The following TBCK variants were observed in gnomAD, a reference collection of about 807,000 sequenced individuals.
The protein encoded by TBCK is TBC1 domain containing kinase.
Under a neutral mutation model 113.4 loss-of-function variants are expected in TBCK, and 99 were observed. That is an observed-to-expected ratio of 0.87 (90% CI 0.74 to 1.03). The LOEUF (loss-of-function observed/expected upper bound fraction) is 1.03. Among genes scored for constraint, TBCK ranks in the 50% least tolerant of loss-of-function variants. TBCK has a pLI of 0.00. For synonymous variants in TBCK, 369 were observed against 370.8 expected, an observed-to-expected ratio of 1.00 and a Z score of 0.05; for missense variants, 1,045 against 1,061.3, an observed-to-expected ratio of 0.98 and a Z score of 0.21.
intron 3 of TBCK, among the ~76,000 whole-genome samples, chr4:106,286,719 A>G (rs1352502926): frequency 1.3e-5 from 2 of 152,048 alleles, no homozygotes; most frequent in African/African-American, 4.8e-5. Context: ...CCCAGGTACT[A>G]GGGTGGTTGA....
chr4:106,075,084 A>T (rs1392882523), intron 25 of TBCK, among the ~76,000 whole-genome samples: 1 of 152,192 alleles, frequency 6.6e-6, no homozygotes, highest in Non-Finnish European at 1.5e-5. Context: ...CAGGACAACC[A>T]TGGATACATA....
rs368202782 is a variant in TBCK at position 106,178,377 on chromosome 4, G to T, written c.2060-7107C>A. On this transcript the variant is annotated intron_variant, in intron 22 of 25. Coordinates refer to ENST00000394708, the MANE Select transcript of TBCK (RefSeq NM_001163435.3). ...ACTCTGTTGAATAAAAGTAGTGAAAGGAGGCATCTTTTTCTTCTAGATTTT... is the reference window on the plus strand; with the variant it reads ...ACTCTGTTGAATAAAAGTAGTGAAATGAGGCATCTTTTTCTTCTAGATTTT... Among the ~76,000 whole-genome samples, 44 of 151,986 alleles carry T rather than the reference G, an allele frequency of 2.9e-4. No homozygotes were observed. The East Asian group carries it at 4.1e-3, about 14-fold the overall frequency.
intron 24 of TBCK, among the ~76,000 whole-genome samples, chr4:106,098,002 C>T (rs1278602148): frequency 6.6e-6 from 1 of 152,002 alleles, no homozygotes; most frequent in Non-Finnish European, 1.5e-5. Context: ...GAGATAAGCA[C>T]ATTTTTCCAT....
chr4:106,263,263 A>G (rs1236795663), intron 3 of TBCK, among the ~76,000 whole-genome samples: 3 of 151,930 alleles, frequency 2.0e-5, no homozygotes, highest in African/African-American at 7.2e-5. Flanking sequence ...TAGAGATAAT[A>G]TGGAATAATA....
At chr4:106,145,887 C>A (rs1455138040) in intron 23 of TBCK, among the ~76,000 whole-genome samples, 1 of 151,838 alleles carries the variant, frequency 6.6e-6, no homozygotes, top group Non-Finnish European at 1.5e-5. Flanking sequence ...ACTAAAAAGT[C>A]AAAAAAACAG....
At chr4:106,225,663 T>C (rs12502764) in intron 19 of TBCK, among the ~76,000 whole-genome samples, 19,644 of 152,010 alleles carry the variant, frequency 0.13, 1,602 homozygotes, top group South Asian at 0.24. Flanking sequence ...TTCACCGTGT[T>C]GGCCAGGCTG....
intron 23 of TBCK, among the ~76,000 whole-genome samples, chr4:106,149,152 C>T (rs931395945): frequency 3.9e-5 from 6 of 152,196 alleles, no homozygotes; most frequent in African/African-American, 7.2e-5. Flanking sequence ...CTGGATTAGG[C>T]TTTGGCTTAA....
At chr4:106,303,612 T>A (rs1053350383) in intron 2 of TBCK, among the ~76,000 whole-genome samples, 1 of 152,066 alleles carries the variant, frequency 6.6e-6, no homozygotes, top group Non-Finnish European at 1.5e-5. Flanking sequence ...CAGAGTAACC[T>A]TGAAAACTGA....
rs575055010 is a variant in TBCK, at chr4:106,124,617, A to C, written c.2236-8239T>G. 2.6e-5 allele frequency among the ~76,000 whole-genome samples: 4 copies of C among 152,218 alleles called. No individual in the cohort carries two copies. The East Asian group carries it at 7.7e-4, about 29-fold the overall frequency. On this transcript the variant is annotated intron_variant, in intron 23 of 25. Transcript: ENST00000394708. ...GAGCCAACCCAAATGTCCAACAATGATAGACTGGATTAAGAAAATGTGGCA... is the reference window on the plus strand; with the variant it reads ...GAGCCAACCCAAATGTCCAACAATGCTAGACTGGATTAAGAAAATGTGGCA...
intron 24 of TBCK, among the ~76,000 whole-genome samples, chr4:106,114,000 C>T (rs1242509243): frequency 1.3e-5 from 2 of 152,190 alleles, no homozygotes. Context: ...CCAAGTAACA[C>T]TACATGTCAC....
chr4:106,226,531 T>G (rs1004874689), intron 19 of TBCK, among the ~76,000 whole-genome samples: 3 of 152,208 alleles, frequency 2.0e-5, no homozygotes, highest in African/African-American at 7.2e-5. Context: ...TGTATATTAA[T>G]TGGGCTTTTA....
chr4:106,071,265 T>C lies in TBCK; in HGVS notation c.2571+24217A>G, dbSNP rs1252050776. Reference sequence around the variant, plus strand: ...TATAAATGTCCTTCTACACACTGCTTTAAATGTGTCCCAGAGGTTTTGGTA... The same window carrying C: ...TATAAATGTCCTTCTACACACTGCTCTAAATGTGTCCCAGAGGTTTTGGTA... On this transcript the variant is annotated intron_variant, in intron 25 of 25. Coordinates refer to ENST00000394708, the MANE Select transcript of TBCK (RefSeq NM_001163435.3). Among the ~76,000 whole-genome samples the C allele has an allele frequency of 2.0e-5, 3 of 152,240 alleles. No homozygotes were observed. In the East Asian group the frequency reaches 5.8e-4, roughly 29 times the overall value.
chr4:106,219,690 T>C (rs1191188875), intron 19 of TBCK, among the ~76,000 whole-genome samples: 1 of 152,070 alleles, frequency 6.6e-6, no homozygotes. Context: ...TTAATACATA[T>C]TTCAATGAGC....
At chr4:106,068,371 A>T (rs929225960) in intron 25 of TBCK, among the ~76,000 whole-genome samples, 3 of 151,844 alleles carry the variant, frequency 2.0e-5, no homozygotes, top group Non-Finnish European at 4.4e-5. Flanking sequence ...CTCATTGTTC[A>T]ATTCCCACCT....
chr4:106,114,432 G>C (rs1743241852), intron 24 of TBCK, among the ~76,000 whole-genome samples: 2 of 152,130 alleles, frequency 1.3e-5, no homozygotes, highest in Admixed American at 1.3e-4. Context: ...CTCCGGGCAG[G>C]GTGACTATGT....
intron 24 of TBCK, among the ~76,000 whole-genome samples, chr4:106,111,394 T>C (rs964598618): frequency 5.9e-5 from 9 of 152,238 alleles, no homozygotes; most frequent in Admixed American, 4.6e-4. Context: ...ATAATCATTA[T>C]TGACTTAAAA....
At chr4:106,316,577 C>T (rs1395613858), upstream of TBCK, 7 of 1,551,526 alleles carry the variant, frequency 4.5e-6, no homozygotes, top group Non-Finnish European at 6.1e-6. Flanking sequence ...TCTCGGAACC[C>T]GTGGTCCTCC....
chr4:106,131,109 GAGTA>G (rs1745862341), intron 23 of TBCK, among the ~76,000 whole-genome samples: 1 of 152,144 alleles, frequency 6.6e-6, no homozygotes, highest in Non-Finnish European at 1.5e-5. Flanking sequence ...TCATGGTAGT[GAGTA>G]AGTCTCACGA....
chr4:106,211,411 T>A (rs1030690859), intron 20 of TBCK, among the ~76,000 whole-genome samples: 1 of 152,094 alleles, frequency 6.6e-6, no homozygotes, highest in African/African-American at 2.4e-5. Flanking sequence ...TATAAGTATT[T>A]TTCAAATTTA....
Sources: gnomAD v4.1 joint callset for allele counts (sites outside exome capture counted in the v4.1 genomes callset) on GRCh38, gnomAD v4.1.1 for gene constraint, MANE v1.5 for transcripts, NCBI Gene and HGNC (gene_info 2026-07-23, HGNC 2026-07-21) for gene names.